NPAS3: variants seen among roughly 807,000 people sequenced by gnomAD.
NPAS3 encodes the protein neuronal PAS domain protein 3.
In NPAS3, 14 loss-of-function variants were observed where a neutral mutation model predicts 73.1. The observed-to-expected ratio is 0.19, with a 90% CI of 0.13 to 0.30. NPAS3 has a LOEUF of 0.30. NPAS3 is among the 10% of genes least tolerant of loss of function. NPAS3 has a pLI of 1.00. For missense variants in NPAS3, 1,096 were observed against 1,250.0 expected, an observed-to-expected ratio of 0.88 and a Z score of 1.86; for synonymous variants, 620 against 541.5, an observed-to-expected ratio of 1.14 and a Z score of -2.01.
At chr14:33,310,846 A>C (rs1434182954) in intron 3 of NPAS3, among the ~76,000 whole-genome samples, 1 of 151,364 alleles carries the variant, frequency 6.6e-6, no homozygotes, top group African/African-American at 2.4e-5. Flanking sequence ...AATACTTCAG[A>C]GAAAACAACC....
chr14:33,028,872 T>G (rs961910817), intron 1 of NPAS3, among the ~76,000 whole-genome samples: 1 of 152,174 alleles, frequency 6.6e-6, no homozygotes, highest in Non-Finnish European at 1.5e-5. Context: ...GATGCGCAGG[T>G]TTGTTACATA....
At chr14:33,582,927 T>C (rs11156803) in intron 5 of NPAS3, among the ~76,000 whole-genome samples, 35,354 of 149,734 alleles carry the variant, frequency 0.24, 4,349 homozygotes, top group South Asian at 0.3. Flanking sequence ...TACATAGATA[T>C]TTCTTCACCT....
At chr14:33,059,991 C>T (rs1261272572) in intron 2 of NPAS3, among the ~76,000 whole-genome samples, 2 of 152,160 alleles carry the variant, frequency 1.3e-5, no homozygotes, top group Non-Finnish European at 2.9e-5. Flanking sequence ...CTCTGTTACC[C>T]AGGCTGGTCT....
intron 5 of NPAS3, among the ~76,000 whole-genome samples, chr14:33,571,305 C>T (rs2056204029): frequency 6.6e-6 from 1 of 152,138 alleles, no homozygotes. Flanking sequence ...GCTCCTTCTT[C>T]TTTAAAATGT....
intron 5 of NPAS3, among the ~76,000 whole-genome samples, chr14:33,667,871 G>T (rs994835292): frequency 2.0e-5 from 3 of 152,082 alleles, no homozygotes; most frequent in African/African-American, 7.2e-5. Flanking sequence ...ATTCTACAGT[G>T]GCTAAAATAT....
chr14:33,109,810 CTTTTTTTTTTT>C lies in NPAS3; in HGVS notation c.140+53830_140+53840del, dbSNP rs67439887. The stretch of plus-strand genomic sequence containing the variant: ...TACCTCTTATCTGTAATTTGCATGT[CTTTTTTTTTTT>C]TTTTTTTTTTTTTGAGACAAGGTCT... On this transcript the variant is annotated intron_variant, in intron 2 of 11. Transcript: ENST00000356141. Among the ~76,000 whole-genome samples the C allele has an allele frequency of 1.6e-3, 136 of 86,978 alleles. 2 individuals are homozygous for C. Among genetic ancestry groups the C allele is most frequent in the African/African-American group, 5.5e-3 (122 of 22,156 alleles). 57.1% of individuals were successfully genotyped at this position (86,978 alleles called of 152,430 possible). A position where few individuals can be genotyped will look rare whatever the true frequency, so the allele number is the denominator to read the frequency against.
intron 4 of NPAS3, among the ~76,000 whole-genome samples, chr14:33,436,760 C>T (rs72680157): frequency 2.6e-5 from 4 of 152,246 alleles, no homozygotes; most frequent in Non-Finnish European, 4.4e-5. Flanking sequence ...ATATTTGGTT[C>T]GGATACCCTT....
At chr14:33,473,628 C>G (rs995915664) in intron 4 of NPAS3, among the ~76,000 whole-genome samples, 1 of 152,108 alleles carries the variant, frequency 6.6e-6, no homozygotes, top group Non-Finnish European at 1.5e-5. Context: ...CATACATCGA[C>G]AGTTTTAGAA....
At chr14:33,523,823 T>C (rs1292262975) in intron 4 of NPAS3, among the ~76,000 whole-genome samples, 2 of 151,788 alleles carry the variant, frequency 1.3e-5, no homozygotes, top group Non-Finnish European at 2.9e-5. Context: ...GCAAAATAAA[T>C]CCCTGCTACA....
intron 5 of NPAS3, among the ~76,000 whole-genome samples, chr14:33,644,460 A>C (rs1386300026): frequency 6.6e-6 from 1 of 152,230 alleles, no homozygotes; most frequent in Admixed American, 6.5e-5. Context: ...GTATGATGAC[A>C]CAAGTCAGAA....
intron 2 of NPAS3, among the ~76,000 whole-genome samples, chr14:33,142,790 T>C (rs2044101231): frequency 6.6e-6 from 1 of 152,176 alleles, no homozygotes; most frequent in Non-Finnish European, 1.5e-5. Context: ...TGGAGAAAAA[T>C]TTGGCAGTTC....
At chr14:32,957,973 C>T (rs10151755) in intron 1 of NPAS3, among the ~76,000 whole-genome samples, 42,320 of 151,606 alleles carry the variant, frequency 0.28, 6,192 homozygotes, top group African/African-American at 0.33. Flanking sequence ...CACTGTCCAC[C>T]GCTCCAACTC....
intron 6 of NPAS3, among the ~76,000 whole-genome samples, chr14:33,702,689 T>C (rs2140456429): frequency 1.3e-5 from 2 of 152,232 alleles, no homozygotes; most frequent in East Asian, 1.9e-4. Flanking sequence ...CTGTTCTAGA[T>C]ATGTATGTGG....
intron 4 of NPAS3, among the ~76,000 whole-genome samples, chr14:33,547,146 T>C (rs1021885392): frequency 6.6e-6 from 1 of 152,202 alleles, no homozygotes; most frequent in Non-Finnish European, 1.5e-5. Flanking sequence ...GGGATACAAG[T>C]CTTCCATTTG....
intron 3 of NPAS3, among the ~76,000 whole-genome samples, chr14:33,302,528 A>G (rs1228953154): frequency 6.6e-6 from 1 of 152,240 alleles, no homozygotes; most frequent in Non-Finnish European, 1.5e-5. Flanking sequence ...TCGTTGATGA[A>G]AGAAACTGAA....
At chr14:33,331,213 A>G (rs896714760) in intron 3 of NPAS3, among the ~76,000 whole-genome samples, 1 of 152,232 alleles carries the variant, frequency 6.6e-6, no homozygotes, top group Admixed American at 6.5e-5. Flanking sequence ...TTCGTAATTT[A>G]TGCATGTGAA....
intron 2 of NPAS3, among the ~76,000 whole-genome samples, chr14:33,128,301 A>C (rs10150055): frequency 6.6e-6 from 1 of 152,128 alleles, no homozygotes; most frequent in East Asian, 1.9e-4. Context: ...CTACCAATAA[A>C]TGTATGTAGG....
intron 3 of NPAS3, among the ~76,000 whole-genome samples, chr14:33,272,996 A>C (rs1409218857): frequency 6.6e-6 from 1 of 152,190 alleles, no homozygotes; most frequent in East Asian, 1.9e-4. Flanking sequence ...CTCGCCAATT[A>C]AATTACTTGG....
At chr14:33,701,845 C>G (rs1230689479) in intron 6 of NPAS3, among the ~76,000 whole-genome samples, 1 of 151,878 alleles carries the variant, frequency 6.6e-6, no homozygotes, top group African/African-American at 2.4e-5. Context: ...TTTATTTAAC[C>G]CAAATTCTGT....
Sources: gnomAD v4.1 joint callset for allele counts (sites outside exome capture counted in the v4.1 genomes callset) on GRCh38, gnomAD v4.1.1 for gene constraint, MANE v1.5 for transcripts, NCBI Gene and HGNC (gene_info 2026-07-23, HGNC 2026-07-21) for gene names.